TIAM1: variants seen among roughly 807,000 people sequenced by gnomAD.
TIAM1 encodes TIAM Rac1 associated GEF 1, also known as rho guanine nucleotide exchange factor TIAM1.
A neutral mutation model predicts 163.5 loss-of-function variants in TIAM1; 65 were observed. That is an observed-to-expected ratio of 0.40 (90% confidence interval 0.33 to 0.49). TIAM1 has a LOEUF of 0.49. TIAM1 is among the 20% of genes least tolerant of loss of function. The pLI is 0.77. For missense variants in TIAM1, 1,789 were observed against 2,044.7 expected (o/e 0.87, Z 2.41); for synonymous variants, 833 against 810.1 (o/e 1.03, Z -0.48).
At chr21:31,340,212 T>C (rs1168965201) in intron 1 of TIAM1, among the ~76,000 whole-genome samples, 1 of 151,638 alleles carries the variant, frequency 6.6e-6, no homozygotes, top group African/African-American at 2.4e-5. Context: ...TAAGTAATTA[T>C]GCCATTACAT....
At chr21:31,548,540 G>A (rs1382184102) in intron 1 of TIAM1, among the ~76,000 whole-genome samples, 1 of 148,384 alleles carries the variant, frequency 6.7e-6, no homozygotes, top group African/African-American at 2.5e-5. Flanking sequence ...TCAGGCTGGA[G>A]TGCAATGGCA....
At chr21:31,544,652 C>T (rs1252243341) in intron 1 of TIAM1, among the ~76,000 whole-genome samples, 1 of 151,376 alleles carries the variant, frequency 6.6e-6, no homozygotes, top group East Asian at 2.0e-4. Flanking sequence ...AACAAGCAAA[C>T]AAACAGGCAG....
intron 24 of TIAM1, 115 bp downstream of exon 24, chr21:31,130,775 A>G: frequency 1.0e-6 from 1 of 984,486 alleles, no homozygotes; most frequent in Non-Finnish European, 1.5e-6. Flanking sequence ...ATGCTTAAGA[A>G]AGAAAAAAGA....
intron 2 of TIAM1, among the ~76,000 whole-genome samples, chr21:31,449,561 A>T (rs1484317085): frequency 6.6e-6 from 1 of 151,646 alleles, no homozygotes; most frequent in East Asian, 1.9e-4. Context: ...TATTTTTAGT[A>T]AAGACGGGGT....
intron 4 of TIAM1, among the ~76,000 whole-genome samples, chr21:31,260,221 A>AAT (rs892854315): frequency 3.4e-5 from 5 of 146,784 alleles, no homozygotes; most frequent in Admixed American, 6.8e-5. Flanking sequence ...ATATTAATAA[A>AAT]ATATATATAT....
At chr21:31,412,809 G>C (rs964333019) in intron 2 of TIAM1, among the ~76,000 whole-genome samples, 1 of 139,032 alleles carries the variant, frequency 7.2e-6, no homozygotes, top group East Asian at 2.0e-4. Context: ...AAAAAAAAAA[G>C]GGAGCACGCA....
intron 6 of TIAM1, among the ~76,000 whole-genome samples, chr21:31,230,403 C>T (rs921450292): frequency 6.7e-6 from 1 of 149,190 alleles, no homozygotes; most frequent in Admixed American, 6.6e-5. Flanking sequence ...CAACCCTGTT[C>T]TTAAAAAAAA....
At chr21:31,327,300 G>A (rs1162540236) in intron 2 of TIAM1, among the ~76,000 whole-genome samples, 1 of 152,114 alleles carries the variant, frequency 6.6e-6, no homozygotes, top group Non-Finnish European at 1.5e-5. Flanking sequence ...CATCAGCTAA[G>A]TACCCTTATA....
chr21:31,176,932 G>C (rs1275181818), intron 15 of TIAM1, among the ~76,000 whole-genome samples: 3 of 152,076 alleles, frequency 2.0e-5, no homozygotes, highest in Non-Finnish European at 4.4e-5. Context: ...CAGCATTCTA[G>C]ACTACAGCAT....
intron 22 of TIAM1, among the ~76,000 whole-genome samples, chr21:31,140,708 C>T (rs1174212395): frequency 6.6e-6 from 1 of 152,204 alleles, no homozygotes; most frequent in African/African-American, 2.4e-5. Context: ...GATTCAGAGT[C>T]ATTTGAAATT....
rs1230418300 is a variant in TIAM1 at position 31,410,542 on chromosome 21, TAA to T, written c.-369+53439_-369+53440del. Among the ~76,000 whole-genome samples the T allele has an allele frequency of 1.3e-4, 19 of 151,828 alleles. No individual in the cohort carries two copies. The East Asian group carries it at 2.3e-3, about 19-fold the overall frequency. On this transcript the variant is annotated intron_variant, in intron 2 of 28. Transcript: ENST00000286827. ...GAGTGCATGAGACTGAGTTTATGTA[TAA>T]GTGTGAGCATGTGTGAGCAACTGTG...
At chr21:31,246,201 T>C (rs75132095) in intron 5 of TIAM1, among the ~76,000 whole-genome samples, 6,242 of 152,164 alleles carry the variant, frequency 0.041, 389 homozygotes, top group African/African-American at 0.13. Context: ...ACATTTTTGG[T>C]CTAACATCCC....
chr21:31,552,200 G>A (rs2048715857), intron 1 of TIAM1, among the ~76,000 whole-genome samples: 2 of 151,736 alleles, frequency 1.3e-5, no homozygotes, highest in African/African-American at 4.8e-5. Flanking sequence ...TGGGATTACA[G>A]GTGTGCGCCA....
intron 25 of TIAM1, among the ~76,000 whole-genome samples, chr21:31,128,932 T>C (rs745444014): frequency 2.6e-5 from 4 of 151,058 alleles, no homozygotes; most frequent in African/African-American, 4.9e-5. Flanking sequence ...TTTCTGAGGA[T>C]CAGATCCAGT....
At chr21:31,184,169 G>A (rs959740186) in intron 14 of TIAM1, among the ~76,000 whole-genome samples, 4 of 151,572 alleles carry the variant, frequency 2.6e-5, no homozygotes, top group East Asian at 2.0e-4. Flanking sequence ...TCAATGGCGC[G>A]ATCTCAGTTC....
At chr21:31,539,361 G>C (rs2048246328) in intron 1 of TIAM1, among the ~76,000 whole-genome samples, 1 of 150,768 alleles carries the variant, frequency 6.6e-6, no homozygotes, top group Non-Finnish European at 1.5e-5. Flanking sequence ...CACCTCCCGG[G>C]TTCACGCCAT....
intron 2 of TIAM1, among the ~76,000 whole-genome samples, chr21:31,327,756 G>A (rs2075542158): frequency 6.6e-6 from 1 of 151,928 alleles, no homozygotes; most frequent in African/African-American, 2.4e-5. Context: ...GCACCAGTAG[G>A]ATCCAGACTG....
intron 6 of TIAM1, among the ~76,000 whole-genome samples, chr21:31,230,153 C>A (rs997056301): frequency 6.6e-6 from 1 of 152,154 alleles, no homozygotes; most frequent in Non-Finnish European, 1.5e-5. Flanking sequence ...TACCCTCACC[C>A]CCTAACTCAC....
intron 1 of TIAM1, among the ~76,000 whole-genome samples, chr21:31,487,554 A>AT (rs1279067707): frequency 0.61 from 69,441 of 114,640 alleles, 21,105 homozygotes; most frequent in Non-Finnish European, 0.63. Flanking sequence ...TTTTTTTTGT[A>AT]TTTTTTTTTT....
Sources: gnomAD v4.1 joint callset for allele counts (sites outside exome capture counted in the v4.1 genomes callset) on GRCh38, gnomAD v4.1.1 for gene constraint, MANE v1.5 for transcripts, NCBI Gene and HGNC (gene_info 2026-07-23, HGNC 2026-07-21) for gene names.